The following KATNIP variants were observed in gnomAD, a reference collection of about 807,000 sequenced individuals.
KATNIP encodes the protein katanin interacting protein, also known as katanin-interacting protein.
KATNIP carries 126 observed loss-of-function variants against 174.0 expected under a neutral mutation model. The ratio of observed to expected loss-of-function variants is 0.72; its 90% CI spans 0.63 to 0.84. The LOEUF is 0.84. Among genes scored for constraint, KATNIP ranks in the 40% least tolerant of loss-of-function variants. The probability of loss-of-function intolerance (pLI) is 0.00; values close to 1 mark genes in which losing one functional copy is unlikely to be tolerated. For missense variants in KATNIP, 1,958 were observed against 2,109.7 expected (o/e 0.93, Z 1.41); for synonymous variants, 810 against 835.7 (o/e 0.97, Z 0.53).
In KATNIP at chr16:27,713,846, ATATATATATATC is replaced by A. The variant is rs1484181523; in HGVS notation, c.1605+4930_1605+4941del. Among the ~76,000 whole-genome samples, 146 of 73,166 alleles carry A rather than the reference ATATATATATATC, an allele frequency of 2.0e-3. 8 individuals carry two copies. Among genetic ancestry groups the A allele is most frequent in the African/African-American group, 4.3e-3 (74 of 17,314 alleles). The allele number at this position is 73,166 out of a possible 152,430, so 48.0% of individuals were successfully genotyped here. On this transcript the variant is annotated intron_variant, in intron 13 of 27. Coordinates refer to ENST00000261588, the MANE Select transcript of KATNIP (RefSeq NM_015202.5). ...TATATATATATATATATATATATATATATATATATATCTATCTCAGATTGTGCCCTTCCCCTA... is the reference window on the plus strand; with the variant it reads ...TATATATATATATATATATATATATATATCTCAGATTGTGCCCTTCCCCTA...
At chr16:27,594,825 G>A (rs1176093691) in intron 2 of KATNIP, among the ~76,000 whole-genome samples, 3 of 152,174 alleles carry the variant, frequency 2.0e-5, no homozygotes, top group Admixed American at 6.6e-5. Context: ...GAAAAATAGA[G>A]ATAATCATAA....
In KATNIP at chr16:27,744,830, G is replaced by A. The variant is rs187440051; in HGVS notation, c.2623+3910G>A. Among the ~76,000 whole-genome samples the A allele has an allele frequency of 1.4e-4, 20 of 148,000 alleles. No homozygotes were observed. In the East Asian group the frequency reaches 3.7e-3, roughly 27 times the overall value. ...CTCGGGAGGCTGAGGCATGAGAATCGCTTGAGCTCGGGAGGTGGAGGTTGG... is the reference window on the plus strand; with the variant it reads ...CTCGGGAGGCTGAGGCATGAGAATCACTTGAGCTCGGGAGGTGGAGGTTGG... On this transcript the variant is annotated intron_variant, in intron 15 of 27. Transcript: ENST00000261588.
chr16:27,566,420 C>T (rs1200721408), intron 1 of KATNIP, among the ~76,000 whole-genome samples: 1 of 152,088 alleles, frequency 6.6e-6, no homozygotes, highest in Non-Finnish European at 1.5e-5. Context: ...CCTGTAATCC[C>T]AGCTACTTGG....
intron 1 of KATNIP, among the ~76,000 whole-genome samples, chr16:27,558,083 G>A: frequency 6.6e-6 from 1 of 152,164 alleles, no homozygotes; most frequent in African/African-American, 2.4e-5. Flanking sequence ...GTATTAACTT[G>A]TACAGTTGTG....
At chr16:27,698,271 T>C in intron 8 of KATNIP, 57 bp from the exon 9 acceptor site, 1 of 1,531,318 alleles carries the variant, frequency 6.5e-7, no homozygotes, top group Non-Finnish European at 8.9e-7. Flanking sequence ...TAATGGGTTG[T>C]GAGCTGCACT....
chr16:27,732,592 T>G (rs1025919471), intron 14 of KATNIP, among the ~76,000 whole-genome samples: 1 of 151,966 alleles, frequency 6.6e-6, no homozygotes, highest in African/African-American at 2.4e-5. Flanking sequence ...AAGACTCAAG[T>G]CAACCAGAGT....
In KATNIP at chr16:27,750,195, A is replaced by C; in HGVS notation, c.3235A>C (p.Asn1079His). 6.2e-7 allele frequency: 1 copy of C among 1,614,108 alleles called. No homozygotes were observed. Among genetic ancestry groups the C allele is most frequent in the Non-Finnish European group, 8.5e-7 (1 of 1,180,028 alleles). ...TGCCCTGATCAGAATTTGGAACTAC[A>C]ATAAATCTCGGATACATTCCTTCCG... ...HVALIRIWNY[N>H]KSRIHSFRGV... Residue 1079 changes from asparagine to histidine, a missense_variant, in exon 16 of 28, where the codon AAT (asparagine) becomes CAT (histidine). Physicochemically the swap from Asn to His is moderately conservative, Grantham distance 68 (BLOSUM62 1). Transcript: ENST00000261588.
chr16:27,713,814 A>G (rs1159312654), intron 13 of KATNIP, among the ~76,000 whole-genome samples: 53 of 20,872 alleles, frequency 2.5e-3, no homozygotes, highest in African/African-American at 0.014. Context: ...ATATACATAT[A>G]TATATATATA....
At position 27,776,121 on chromosome 16, in the gene KATNIP, T is replaced by G. The variant is rs1028452452; in HGVS notation, c.4450-807T>G. ...CTTGAGCCTCACAGGCAACTGAGTTTGGAGACCCTCACCCTGACCTTTATT... is the reference window on the plus strand; with the variant it reads ...CTTGAGCCTCACAGGCAACTGAGTTGGGAGACCCTCACCCTGACCTTTATT... On this transcript the variant is annotated intron_variant, in intron 24 of 27. Coordinates refer to ENST00000261588, the MANE Select transcript of KATNIP (RefSeq NM_015202.5). The surrounding 1 kb of genome is among the most constrained non-coding windows in gnomAD (Gnocchi z 4.7). 6.6e-6 allele frequency among the ~76,000 whole-genome samples: 1 copy of G among 152,146 alleles called. No individual in the cohort carries two copies. The highest frequency in any genetic ancestry group is 6.5e-5 in the Admixed American group (1 of 15,282).
At chr16:27,550,259 C>A in intron 1 of KATNIP, 82 bp downstream of exon 1, 1 of 1,498,522 alleles carries the variant, frequency 6.7e-7, no homozygotes, top group South Asian at 1.2e-5. Flanking sequence ...GAATCCTAGG[C>A]CATGAACCCC....
rs1434780252 is a variant in KATNIP, at chr16:27,777,652, ATGGTGAGCCACC to A, written c.4600_4611del (p.Ser1534_Val1537del). The stretch of plus-strand genomic sequence containing the variant: ...GCTTGTGTACAATGGGATCCTGGCC[ATGGTGAGCCACC>A]TGGTGGGGGGCATCCTGCCCACATG... On this transcript the variant is annotated inframe_deletion, in exon 26 of 28. Coordinates refer to ENST00000261588, the MANE Select transcript of KATNIP (RefSeq NM_015202.5). This position sits in a 1 kb window ranked among gnomAD's most constrained non-coding sequence, Gnocchi z 4.4. 6.2e-7 allele frequency: 1 copy of A among 1,613,852 alleles called. No homozygotes were observed. The highest frequency in any genetic ancestry group is 8.5e-7 in the Non-Finnish European group (1 of 1,179,922).
intron 2 of KATNIP, among the ~76,000 whole-genome samples, chr16:27,581,119 G>A (rs1567457765): frequency 6.6e-6 from 1 of 151,966 alleles, no homozygotes; most frequent in Non-Finnish European, 1.5e-5. Flanking sequence ...TATACTAAGT[G>A]GGTAAATAAA....
At chr16:27,628,503 T>C in intron 3 of KATNIP, 158 bp from the exon 4 acceptor site, 1 of 738,102 alleles carries the variant, frequency 1.4e-6, no homozygotes, top group Non-Finnish European at 2.2e-6. Context: ...GTAATGGGCC[T>C]GTCAGAGGCT....
At chr16:27,611,735 G>A (rs920509602) in intron 2 of KATNIP, among the ~76,000 whole-genome samples, 1 of 152,186 alleles carries the variant, frequency 6.6e-6, no homozygotes, top group Non-Finnish European at 1.5e-5. Flanking sequence ...CAAGGAAACT[G>A]AGGCTCAGAT....
At chr16:27,593,472 A>C (rs1033285246) in intron 2 of KATNIP, among the ~76,000 whole-genome samples, 1 of 152,086 alleles carries the variant, frequency 6.6e-6, no homozygotes, top group Non-Finnish European at 1.5e-5. Flanking sequence ...TCCTGACCTC[A>C]GGTGATCTGC....
chr16:27,690,318 A>ATAGATAGATAGG (rs2142898484), intron 8 of KATNIP, among the ~76,000 whole-genome samples: 1 of 86,796 alleles, frequency 1.2e-5, no homozygotes, highest in Non-Finnish European at 2.7e-5. Flanking sequence ...CCCATCTCAG[A>ATAGATAGATAGG]TAGATAGATA....
chr16:27,699,005 AGGAGGATAAAT>A (rs370343014), intron 9 of KATNIP, among the ~76,000 whole-genome samples: 237 of 152,316 alleles, frequency 1.6e-3, no homozygotes, highest in African/African-American at 4.9e-3. Flanking sequence ...AGCAGCCAAC[AGGAGGATAAAT>A]GGTGGGTAGA....
intron 19 of KATNIP, among the ~76,000 whole-genome samples, chr16:27,762,868 G>A (rs141452856): frequency 7.2e-5 from 11 of 152,292 alleles, no homozygotes; most frequent in African/African-American, 9.6e-5. Context: ...CGCACAGTGC[G>A]GCTTATGGAT....
At chr16:27,664,293 T>G (rs1402372624) in intron 6 of KATNIP, among the ~76,000 whole-genome samples, 2 of 152,272 alleles carry the variant, frequency 1.3e-5, no homozygotes, top group African/African-American at 4.8e-5. Context: ...AGGTTTTTTG[T>G]TTGTGGCCTA....
Sources: gnomAD v4.1 joint callset for allele counts (sites outside exome capture counted in the v4.1 genomes callset) on GRCh38, gnomAD v4.1.1 for gene constraint, Gnocchi (gnomAD v3.1) non-coding constraint, MANE v1.5 for transcripts, NCBI Gene and HGNC (gene_info 2026-07-23, HGNC 2026-07-21) for gene names.